The following SH3RF3 variants were observed in gnomAD, a reference collection of about 807,000 sequenced individuals.
SH3RF3 encodes SH3 domain containing ring finger 3.
SH3RF3 carries 29 observed loss-of-function variants against 66.3 expected under a neutral mutation model. The observed-to-expected ratio is 0.44, with a 90% CI of 0.33 to 0.60. The LOEUF (loss-of-function observed/expected upper bound fraction) is 0.60, where lower values mean the gene tolerates loss of function less well. SH3RF3 is among the 20% of genes least tolerant of loss of function. The pLI is 0.04. For missense variants in SH3RF3, 1,194 were observed against 1,190.9 expected (o/e 1.00, Z -0.04); for synonymous variants, 583 against 532.0 (o/e 1.10, Z -1.32).
chr2:109,226,445 C>A (rs1327170194), intron 1 of SH3RF3, among the ~76,000 whole-genome samples: 1 of 152,212 alleles, frequency 6.6e-6, no homozygotes, highest in Admixed American at 6.5e-5. Flanking sequence ...GGCCCATGTG[C>A]AGTCCTCATC....
chr2:109,306,646 T>G (rs6542811), intron 1 of SH3RF3, among the ~76,000 whole-genome samples: 47,309 of 152,180 alleles, frequency 0.31, 9,070 homozygotes, highest in African/African-American at 0.54. Flanking sequence ...TTTCATGCTG[T>G]TAGCAGTCGG....
chr2:109,379,610 C>G (rs1683466910), intron 3 of SH3RF3, among the ~76,000 whole-genome samples: 1 of 152,208 alleles, frequency 6.6e-6, no homozygotes, highest in Admixed American at 6.5e-5. Context: ...TTTGAAGTTT[C>G]ATTTTATTTT....
At chr2:109,447,563 C>T (rs1360745308) in intron 7 of SH3RF3, among the ~76,000 whole-genome samples, 1 of 152,086 alleles carries the variant, frequency 6.6e-6, no homozygotes, top group African/African-American at 2.4e-5. Flanking sequence ...ATGTGAGCTG[C>T]GTGGTGCTGC....
At chr2:109,281,078 G>C (rs1680878886) in intron 1 of SH3RF3, among the ~76,000 whole-genome samples, 2 of 152,206 alleles carry the variant, frequency 1.3e-5, no homozygotes, top group Non-Finnish European at 2.9e-5. Flanking sequence ...GCCAGAGAGA[G>C]AGGACTGGTT....
chr2:109,341,862 G>T (rs1482287260), intron 1 of SH3RF3, among the ~76,000 whole-genome samples: 4 of 152,222 alleles, frequency 2.6e-5, no homozygotes, highest in Non-Finnish European at 5.9e-5. Context: ...TGCAGGCAAG[G>T]CTGGAAAATG....
At chr2:109,241,956 G>A (rs1408036374) in intron 1 of SH3RF3, among the ~76,000 whole-genome samples, 3 of 152,036 alleles carry the variant, frequency 2.0e-5, no homozygotes, top group African/African-American at 7.2e-5. Context: ...TCCCCAGAGT[G>A]CTGCTTTCAT....
At chr2:109,337,161 C>T (rs1394161186) in intron 1 of SH3RF3, among the ~76,000 whole-genome samples, 10 of 152,184 alleles carry the variant, frequency 6.6e-5, no homozygotes, top group Admixed American at 3.3e-4. Context: ...GAGGTACGAA[C>T]TGGCTCATAG....
At position 109,490,650 on chromosome 2, in the gene SH3RF3, A is replaced by G; in HGVS notation, c.2194A>G (p.Thr732Ala). The G allele has an allele frequency of 6.6e-7, 1 of 1,504,652 alleles. No individual in the cohort carries two copies. Among genetic ancestry groups the G allele is most frequent in the Non-Finnish European group, 8.9e-7 (1 of 1,125,748 alleles). The allele number at this position is 1,504,652 out of a possible 1,614,324, so 93.2% of individuals were successfully genotyped here. A position where few individuals can be genotyped will look rare whatever the true frequency, so the allele number is the denominator to read the frequency against. Residue 732 changes from threonine to alanine, a missense_variant, in exon 9 of 10, where the codon ACC becomes GCC. Thr to Ala is a moderately conservative substitution (Grantham distance 58, BLOSUM62 0). Coordinates refer to ENST00000309415, the MANE Select transcript of SH3RF3 (RefSeq NM_001099289.3). ...CCTGAAGCTTCTAGCCGGAGCATCC[A>G]CCAAGAAGAAGTCACGCTCCCCGCC... is the stretch of plus-strand genomic sequence containing the variant. Reference protein sequence around the residue: ...GLLKLLAGASTKKKSRSPPSV... With the variant: ...GLLKLLAGASAKKKSRSPPSV...
At chr2:109,301,980 T>G (rs1223034821) in intron 1 of SH3RF3, among the ~76,000 whole-genome samples, 1 of 152,248 alleles carries the variant, frequency 6.6e-6, no homozygotes, top group Non-Finnish European at 1.5e-5. Flanking sequence ...GGACCTGTGC[T>G]GATTTCAGCA....
At chr2:109,231,581 G>A (rs1450167378) in intron 1 of SH3RF3, among the ~76,000 whole-genome samples, 1 of 152,164 alleles carries the variant, frequency 6.6e-6, no homozygotes, top group Non-Finnish European at 1.5e-5. Context: ...TCCATGATAA[G>A]CTACTTCTTT....
intron 2 of SH3RF3, among the ~76,000 whole-genome samples, chr2:109,366,785 C>T (rs780983286): frequency 1.9e-4 from 29 of 152,142 alleles, no homozygotes; most frequent in Admixed American, 1.3e-3. Flanking sequence ...CCTGGAAAGT[C>T]AAAGCTGCAG....
At chr2:109,380,697 G>A (rs916334294) in intron 3 of SH3RF3, among the ~76,000 whole-genome samples, 2 of 152,292 alleles carry the variant, frequency 1.3e-5, no homozygotes, top group East Asian at 1.9e-4. Context: ...AGGGCCTGGC[G>A]AAGGGGCACA....
chr2:109,232,608 C>T (rs1679540351), intron 1 of SH3RF3, among the ~76,000 whole-genome samples: 2 of 152,202 alleles, frequency 1.3e-5, no homozygotes, highest in African/African-American at 4.8e-5. Flanking sequence ...CTCTGCCCCT[C>T]CTTCTACCCT....
At chr2:109,467,083 T>C (rs76496065) in intron 8 of SH3RF3, among the ~76,000 whole-genome samples, 4,624 of 152,268 alleles carry the variant, frequency 0.03, 89 homozygotes, top group Non-Finnish European at 0.045. Flanking sequence ...CTTGGGAAAA[T>C]GGTTCAGCAA....
At chr2:109,254,444 A>G (rs1680172514) in intron 1 of SH3RF3, among the ~76,000 whole-genome samples, 1 of 152,152 alleles carries the variant, frequency 6.6e-6, no homozygotes, top group Non-Finnish European at 1.5e-5. Flanking sequence ...TTAATGCTGT[A>G]AAGTACTTAG....
At chr2:109,422,130 C>T (rs919724136) in intron 5 of SH3RF3, among the ~76,000 whole-genome samples, 10 of 152,224 alleles carry the variant, frequency 6.6e-5, no homozygotes, top group African/African-American at 2.4e-4. Flanking sequence ...AAAATAGCCT[C>T]TGTAAGTCAC....
intron 1 of SH3RF3, among the ~76,000 whole-genome samples, chr2:109,213,096 A>G (rs1318017219): frequency 6.6e-6 from 1 of 152,222 alleles, no homozygotes; most frequent in Non-Finnish European, 1.5e-5. Flanking sequence ...ACAGTCAAGC[A>G]GTTGCATCAC....
intron 8 of SH3RF3, among the ~76,000 whole-genome samples, chr2:109,465,032 G>A (rs1032455447): frequency 1.3e-5 from 2 of 152,092 alleles, no homozygotes; most frequent in African/African-American, 4.8e-5. Flanking sequence ...TCATAGATTT[G>A]CCTTTTCTAG....
intron 1 of SH3RF3, among the ~76,000 whole-genome samples, chr2:109,295,327 G>A (rs1248785344): frequency 6.6e-6 from 1 of 152,234 alleles, no homozygotes; most frequent in Non-Finnish European, 1.5e-5. Context: ...CCACAGGTCA[G>A]AGAGGTTAAA....
Sources: gnomAD v4.1 joint callset for allele counts (sites outside exome capture counted in the v4.1 genomes callset) on GRCh38, gnomAD v4.1.1 for gene constraint, MANE v1.5 for transcripts, NCBI Gene and HGNC (gene_info 2026-07-23, HGNC 2026-07-21) for gene names.